KHDC4: variants seen among roughly 807,000 people sequenced by gnomAD.
KHDC4 encodes the protein KH domain containing 4, pre-mRNA splicing factor.
KHDC4 carries 19 observed loss-of-function variants against 74.5 expected under a neutral mutation model. That is an observed-to-expected ratio of 0.26 (90% CI 0.18 to 0.37). The LOEUF is 0.37. Ranked by LOEUF, KHDC4 falls within the 10% of genes least tolerant of loss-of-function variation. The probability of loss-of-function intolerance (pLI) is 1.00; values close to 1 mark genes in which losing one functional copy is unlikely to be tolerated. For synonymous variants in KHDC4, 253 were observed against 266.1 expected, an observed-to-expected ratio of 0.95 and a Z score of 0.48; for missense variants, 632 against 754.1, an observed-to-expected ratio of 0.84 and a Z score of 1.90.
chr1:155,916,678 T>C lies in KHDC4; in HGVS notation c.1500A>G (p.Glu500=), dbSNP rs750268356. 1.9e-6 allele frequency: 3 copies of C among 1,614,024 alleles called. No individual in the cohort carries two copies. Among genetic ancestry groups the C allele is most frequent in the Non-Finnish European group, 2.5e-6 (3 of 1,179,996 alleles). Residue 500 remains glutamate (E), a synonymous_variant, in exon 12 of 14, where the codon GAA becomes GAG. Transcript: ENST00000368321. ...GTGFSSQNEI[E]GAGSKPASSS... ...AACTTGCTGGCTTCGATCCTGCACC[T>C]TCAATCTCATTCTGACTGGAGAAGC...
At chr1:155,914,878 G>A (rs1673699117) in intron 13 of KHDC4, 1 of 152,810 alleles carries the variant, frequency 6.5e-6, no homozygotes, top group African/African-American at 2.4e-5. Flanking sequence ...CGTATCAGAT[G>A]ACCTCCTGGT....
chr1:155,924,793 C>T (rs146952435), intron 7 of KHDC4, among the ~76,000 whole-genome samples: 225 of 151,348 alleles, frequency 1.5e-3, no homozygotes, highest in African/African-American at 4.9e-3. Flanking sequence ...AGGGTAGTCT[C>T]GAACTCCTGA....
intron 11 of KHDC4, chr1:155,917,053 C>T (rs1297202152): frequency 4.0e-6 from 1 of 249,180 alleles, no homozygotes; most frequent in Non-Finnish European, 7.7e-6. Context: ...AAGAATGATT[C>T]AAGGATTCTG....
In KHDC4 at chr1:155,925,457, G is replaced by A. The variant is rs370503423; in HGVS notation, c.893+175C>T. ...GTTGGGATTACAGGCATGAGCCACC[G>A]TGCCCCAATTCTACAATTTCTTTAA... On this transcript the variant is annotated intron_variant, in intron 7 of 13. Transcript: ENST00000368321. Among the ~76,000 whole-genome samples the A allele has an allele frequency of 4.5e-4, 68 of 152,238 alleles. 1 individual carries two copies. The highest frequency in any genetic ancestry group is 6.8e-3 in the Middle Eastern group (2 of 294).
At chr1:155,922,435 G>A (rs566198617) in intron 8 of KHDC4, among the ~76,000 whole-genome samples, 1 of 152,246 alleles carries the variant, frequency 6.6e-6, no homozygotes, top group African/African-American at 2.4e-5. Context: ...ATGAGCCACC[G>A]TGTCCAACCC....
At chr1:155,916,431 A>G (rs932262854) in intron 12 of KHDC4, among the ~76,000 whole-genome samples, 194 bp downstream of exon 12, 3 of 152,260 alleles carry the variant, frequency 2.0e-5, no homozygotes, top group Admixed American at 2.0e-4. Context: ...AAAACCGAAT[A>G]TAACTGCTTC....
intron 12 of KHDC4, among the ~76,000 whole-genome samples, chr1:155,916,380 T>C (rs561235701): frequency 1.3e-5 from 2 of 152,266 alleles, no homozygotes; most frequent in South Asian, 2.1e-4. Context: ...ATGCAGACAA[T>C]GGAAGTCAAG....
chr1:155,931,495 G>A (rs1674141691), intron 2 of KHDC4, among the ~76,000 whole-genome samples: 1 of 152,176 alleles, frequency 6.6e-6, no homozygotes, highest in Non-Finnish European at 1.5e-5. Flanking sequence ...TTGGGAGGCT[G>A]AGCCTGGGAG....
chr1:155,927,629 A>AC (rs951055716), intron 4 of KHDC4, among the ~76,000 whole-genome samples: 4 of 151,324 alleles, frequency 2.6e-5, no homozygotes, highest in African/African-American at 9.7e-5. Flanking sequence ...ACATGGCAAA[A>AC]CCCCATCTCT....
At chr1:155,919,648 A>G (rs866281976) in intron 10 of KHDC4, among the ~76,000 whole-genome samples, 1 of 151,998 alleles carries the variant, frequency 6.6e-6, no homozygotes, top group African/African-American at 2.4e-5. Flanking sequence ...ATCTCCACTA[A>G]AAATACAAAA....
At chr1:155,915,732 C>T (rs1673717012) in intron 13 of KHDC4, 141 bp downstream of exon 13, 3 of 562,918 alleles carry the variant, frequency 5.3e-6, no homozygotes, top group Admixed American at 6.1e-5. Context: ...GTCTTGAACT[C>T]CTGACCTTAG....
chr1:155,921,121 G>T, intron 10 of KHDC4: 1 of 490,192 alleles, frequency 2.0e-6, no homozygotes, highest in Non-Finnish European at 3.7e-6. Context: ...ACCCTTTATA[G>T]CAAGTGTGCC....
chr1:155,926,916 C>T (rs1350495494), intron 5 of KHDC4, 77 bp from the exon 6 acceptor site: 1 of 1,525,796 alleles, frequency 6.6e-7, no homozygotes, highest in Admixed American at 1.7e-5. Flanking sequence ...CAATTATTCA[C>T]CGTAAATCTG....
Position 155,921,534 on chromosome 1 carries a change from A to G in KHDC4, c.1107T>C (p.Pro369=), listed in dbSNP as rs1346863264. 1.2e-6 allele frequency: 2 copies of G among 1,613,942 alleles called. No individual in the cohort carries two copies. The highest frequency in any genetic ancestry group is 1.7e-5 in the Admixed American group (1 of 59,962). ...GYQSGYPVVP[P]PQQPVQPPYG... is the part of the protein sequence containing the mutation. ...AGGGAGGTTGAACTGGCTGCTGAGG[A>G]GGGGGAACAACAGGGTAACCAGACT... Residue 369 remains proline, a synonymous_variant, in exon 10 of 14, where the codon CCT becomes CCC. Transcript: ENST00000368321.
rs1307867546 is a variant in KHDC4, at chr1:155,917,669, G to A, written c.1270C>T (p.Pro424Ser). 2 of 1,530,996 alleles carry A rather than the reference G, an allele frequency of 1.3e-6. No individual in the cohort carries two copies. The highest frequency in any genetic ancestry group is 8.7e-7 in the Non-Finnish European group (1 of 1,145,124). 94.8% of individuals were successfully genotyped at this position (1,530,996 alleles called of 1,614,324 possible). The change falls in exon 11 of 14, where the codon CCG becomes TCG. Residue 424 changes from proline to serine, a missense_variant. By Grantham distance (74) the Pro-to-Ser change is moderately conservative. Coordinates refer to ENST00000368321, the MANE Select transcript of KHDC4 (RefSeq NM_014949.4). ...VQPPASTGQS[P>S]MGGPFIPAAP... ...GCAGGAATAAAAGGACCACCCATCG[G>A]ACTCTGGGACCAAAACAAACCAAGG... is the stretch of plus-strand genomic sequence containing the variant.
intron 2 of KHDC4, among the ~76,000 whole-genome samples, chr1:155,931,074 C>A (rs1408378453): frequency 6.6e-6 from 1 of 152,022 alleles, no homozygotes; most frequent in East Asian, 1.9e-4. Flanking sequence ...GTAATCCTAG[C>A]ACTTTAGGAG....
At chr1:155,924,596 T>TG (rs1465214335) in intron 7 of KHDC4, among the ~76,000 whole-genome samples, 1 of 137,712 alleles carries the variant, frequency 7.3e-6, no homozygotes, top group Non-Finnish European at 1.6e-5. Flanking sequence ...TTTTTTGAGA[T>TG]GGAGTCTTGC....
Position 155,916,666 on chromosome 1 carries a change from C to G in KHDC4, c.1512G>C (p.Ser504=). The G allele has an allele frequency of 2.5e-6, 4 of 1,613,822 alleles. No homozygotes were observed. The highest frequency in any genetic ancestry group is 3.4e-6 in the Non-Finnish European group (4 of 1,179,952). ...SSQNEIEGAG[S]KPASSSGKER... is the part of the protein sequence containing the mutation. ...CTTTGCCTGAGGAACTTGCTGGCTT[C>G]GATCCTGCACCTTCAATCTCATTCT... Residue 504 remains serine, a synonymous_variant, in exon 12 of 14, where the codon TCG becomes TCC. Transcript: ENST00000368321.
chr1:155,927,086 G>A lies in KHDC4; in HGVS notation c.517+18C>T, dbSNP rs752657907. The A allele has an allele frequency of 6.2e-7, 1 of 1,612,336 alleles. No homozygotes were observed. Among genetic ancestry groups the A allele is most frequent in the Non-Finnish European group, 8.5e-7 (1 of 1,178,562 alleles). On this transcript the variant is annotated intron_variant, in intron 5 of 13. Coordinates refer to ENST00000368321, the MANE Select transcript of KHDC4 (RefSeq NM_014949.4). The stretch of plus-strand genomic sequence containing the variant: ...GCTCTTCACAAAAAGTGCTACGTGA[G>A]CCAAAAACATTACTTACTGTCCACT...
Sources: allele counts gnomAD v4.1 joint callset (sites outside exome capture counted in the v4.1 genomes callset), GRCh38; gene constraint gnomAD v4.1.1; transcripts MANE v1.5; gene names NCBI Gene and HGNC (gene_info 2026-07-23, HGNC 2026-07-21).